ZSWIM1: variants seen among roughly 807,000 people sequenced by gnomAD.
ZSWIM1 encodes zinc finger SWIM-type containing 1, also known as zinc finger SWIM domain-containing protein 1.
ZSWIM1 carries 22 observed loss-of-function variants against 29.3 expected under a neutral mutation model. That is an observed-to-expected ratio of 0.75 (90% CI 0.54 to 1.07). The LOEUF (loss-of-function observed/expected upper bound fraction) is 1.07. Ranked by LOEUF, ZSWIM1 falls within the 50% of genes least tolerant of loss-of-function variation. The pLI, the probability that ZSWIM1 is intolerant of heterozygous loss-of-function variation, is 0.00. For synonymous variants in ZSWIM1, 228 were observed against 240.8 expected (o/e 0.95, Z 0.49); for missense variants, 511 against 596.2 (o/e 0.86, Z 1.49).
chr20:45,881,507 C>T (rs1486670136), intron 1 of ZSWIM1, among the ~76,000 whole-genome samples: 2 of 152,234 alleles, frequency 1.3e-5, no homozygotes, highest in African/African-American at 2.4e-5. Context: ...AAAGACTCAA[C>T]TTTCAGCTAC....
Position 45,884,672 on chromosome 20 carries a change from T to C in ZSWIM1, c.*622T>C, listed in dbSNP as rs1377022199. ...CCATCGCACCCGGCCTGTTTTAACA[T>C]TTTCATAAGGTAAAAACCTTTCTTA... On this transcript the variant is annotated 3_prime_UTR_variant, in exon 2 of 2. Coordinates refer to ENST00000372523, the MANE Select transcript of ZSWIM1 (RefSeq NM_080603.5). The C allele has an allele frequency of 6.0e-6, 1 of 165,742 alleles. No homozygotes were observed. Among genetic ancestry groups the C allele is most frequent in the Non-Finnish European group, 1.5e-5 (1 of 67,916 alleles). 10.3% of individuals were successfully genotyped at this position (165,742 alleles called of 1,614,324 possible).
rs1986358136 is a variant in ZSWIM1, at chr20:45,883,430, G to T, written c.838G>T (p.Ala280Ser). ...CACCCCATCTGAGAAACAAGGTATG[G>T]CTTCTCTGTTCCGTTACATGCAGCA... ...GTTPSEKQGM[A>S]SLFRYMQQNS... The change falls in exon 2 of 2, where the codon GCT (alanine) becomes TCT (serine). Residue 280 changes from alanine (A) to serine (S), a missense_variant. Transcript: ENST00000372523. 1 of 1,614,058 alleles carries T rather than the reference G, an allele frequency of 6.2e-7. No individual in the cohort carries two copies. The highest frequency in any genetic ancestry group is 8.5e-7 in the Non-Finnish European group (1 of 1,180,048).
Position 45,884,105 on chromosome 20 carries a change from TACACACACACACACACACACACAC to T in ZSWIM1, c.*70_*93del, listed in dbSNP as rs71181872. 3.3e-5 allele frequency: 36 copies of T among 1,089,646 alleles called. No homozygotes were observed. In the African/African-American group the frequency reaches 5.5e-4, roughly 17 times the overall value. 67.5% of individuals were successfully genotyped at this position (1,089,646 alleles called of 1,614,324 possible). A position where few individuals can be genotyped will look rare whatever the true frequency, so the allele number is the denominator to read the frequency against. On this transcript the variant is annotated 3_prime_UTR_variant, in exon 2 of 2. Transcript: ENST00000372523. ...ACCTGTGCACACTCACATCCACCCA[TACACACACACACACACACACACAC>T]ACACACACACACACTCCCTTACACT...
At chr20:45,881,074 C>G (rs3746496), upstream of ZSWIM1, among the ~76,000 whole-genome samples, 1 of 152,178 alleles carries the variant, frequency 6.6e-6, no homozygotes, top group Non-Finnish European at 1.5e-5. Flanking sequence ...CCTTGTAACC[C>G]TGGCAACACG....
rs1473038889 is a variant in ZSWIM1, at chr20:45,883,636, G to T, written c.1044G>T (p.Val348=). ...AACTGTGCCTGGGCGAGCTTGCTGT[G>T]GTCCAGAAATCCACACACCTCATTG... ...AAQLCLGELA[V]VQKSTHLIGS... The change falls in exon 2 of 2, where the codon GTG becomes GTT. Residue 348 remains valine (V), a synonymous_variant. Transcript: ENST00000372523. The T allele has an allele frequency of 1.2e-6, 2 of 1,614,142 alleles. No homozygotes were observed. Among genetic ancestry groups the T allele is most frequent in the Non-Finnish European group, 1.7e-6 (2 of 1,180,026 alleles).
In ZSWIM1 at chr20:45,884,356, T is replaced by TA; in HGVS notation, c.*306_*307insA. ...CTTGGTTTTGTTTTAATATTTTTTT[T>TA]CTTTTTTTTTTTTTTTTTTTTTTTG... is the stretch of plus-strand genomic sequence containing the variant. On this transcript the variant is annotated 3_prime_UTR_variant, in exon 2 of 2. Transcript: ENST00000372523. 1.4e-5 allele frequency: 2 copies of TA among 144,528 alleles called. No homozygotes were observed. Among genetic ancestry groups the TA allele is most frequent in the Non-Finnish European group, 2.9e-5 (2 of 70,136 alleles). 9.0% of individuals were successfully genotyped at this position (144,528 alleles called of 1,614,324 possible).
chr20:45,883,472 G>T lies in ZSWIM1; in HGVS notation c.880G>T (p.Ala294Ser). 6.2e-7 allele frequency: 1 copy of T among 1,614,208 alleles called. No individual in the cohort carries two copies. Among genetic ancestry groups the T allele is most frequent in the South Asian group, 1.1e-5 (1 of 91,080 alleles). Residue 294 changes from alanine (A) to serine (S), a missense_variant, in exon 2 of 2, where the codon GCA (alanine) becomes TCA (serine). Coordinates refer to ENST00000372523, the MANE Select transcript of ZSWIM1 (RefSeq NM_080603.5). Reference protein sequence around the residue: ...RYMQQNSADKANFNQGLCAQN... With the variant: ...RYMQQNSADKSNFNQGLCAQN... The stretch of plus-strand genomic sequence containing the variant: ...CATGCAGCAGAACTCTGCAGACAAG[G>T]CAAACTTCAACCAGGGCCTGTGTGC...
In ZSWIM1 at chr20:45,883,525, C is replaced by T. The variant is rs1568753699; in HGVS notation, c.933C>T (p.Thr311=). 1 of 1,614,232 alleles carries T rather than the reference C, an allele frequency of 6.2e-7. No individual in the cohort carries two copies. Among genetic ancestry groups the T allele is most frequent in the Non-Finnish European group, 8.5e-7 (1 of 1,180,046 alleles). The stretch of plus-strand genomic sequence containing the variant: ...AGAACAATCATGCTCCCTCAGACAC[C>T]ATCCCCGAAAGCCCCAAACTGGAGC... The part of the protein sequence containing the change: ...CAQNNHAPSD[T]IPESPKLEQL... Residue 311 remains threonine, a synonymous_variant, in exon 2 of 2, where the codon ACC becomes ACT. Transcript: ENST00000372523.
In ZSWIM1 at chr20:45,882,685, C is replaced by T. The variant is rs955888226; in HGVS notation, c.93C>T (p.Ala31=). 6 of 1,614,094 alleles carry T rather than the reference C, an allele frequency of 3.7e-6. No individual in the cohort carries two copies. The highest frequency in any genetic ancestry group is 5.1e-6 in the Non-Finnish European group (6 of 1,180,058). Residue 31 remains alanine (A), a synonymous_variant, in exon 2 of 2, where the codon GCC becomes GCT. Transcript: ENST00000372523. ...GIWTAPISPM[A]LTMLNGLLIK... is the part of the protein sequence containing the mutation. ...GGACAGCTCCCATCTCTCCCATGGC[C>T]CTGACAATGCTGAATGGGCTCCTGA...
chr20:45,882,720 C>T lies in ZSWIM1; in HGVS notation c.128C>T (p.Ser43Leu), dbSNP rs758198401. Reference protein sequence around the residue: ...TMLNGLLIKDSSPPMLLHQVN... With the variant: ...TMLNGLLIKDLSPPMLLHQVN... ...CTGAATGGGCTCCTGATTAAGGACTCAAGCCCACCTATGCTGCTGCACCAG... is the reference window on the plus strand; with the variant it reads ...CTGAATGGGCTCCTGATTAAGGACTTAAGCCCACCTATGCTGCTGCACCAG... Residue 43 changes from serine to leucine, a missense_variant, in exon 2 of 2, where the codon TCA becomes TTA. Transcript: ENST00000372523. The T allele has an allele frequency of 2.5e-6, 4 of 1,614,260 alleles. No homozygotes were observed. The African/African-American group carries it at 4.0e-5, about 16-fold the overall frequency.
At position 45,884,107 on chromosome 20, in the gene ZSWIM1, C is replaced by A; in HGVS notation, c.*57C>A. The A allele has an allele frequency of 6.3e-6, 1 of 158,036 alleles. No homozygotes were observed. The highest frequency in any genetic ancestry group is 8.7e-6 in the Non-Finnish European group (1 of 115,378). 9.8% of individuals were successfully genotyped at this position (158,036 alleles called of 1,614,324 possible). ...CTGTGCACACTCACATCCACCCATA[C>A]ACACACACACACACACACACACACA... is the stretch of plus-strand genomic sequence containing the variant. On this transcript the variant is annotated 3_prime_UTR_variant, in exon 2 of 2. Coordinates refer to ENST00000372523, the MANE Select transcript of ZSWIM1 (RefSeq NM_080603.5).
chr20:45,882,508 C>G (rs1986294812), intron 1 of ZSWIM1, 25 bp from the exon 2 acceptor site: 1 of 1,514,860 alleles, frequency 6.6e-7, no homozygotes. Flanking sequence ...CTGCTGTCTC[C>G]TTAAACCTCT....
At chr20:45,881,123 T>C (rs3746499), upstream of ZSWIM1, 95,094 of 152,108 alleles carry the variant, frequency 0.63, 29,903 homozygotes, top group Admixed American at 0.7. Context: ...TGGTCCGTGG[T>C]GCTAAAGCCT....
rs140608511 is a variant in ZSWIM1, at chr20:45,883,299, A to G, written c.707A>G (p.Asn236Ser). The change falls in exon 2 of 2, where the codon AAC becomes AGC. Residue 236 changes from asparagine to serine, a missense_variant. Transcript: ENST00000372523. ...LPELHSHWLL[N>S]DRIWLAHRWR... ...GAGCTTCACTCACACTGGCTGCTCA[A>G]CGACCGCATCTGGCTGGCTCACCGC... 8 of 1,613,946 alleles carry G rather than the reference A, an allele frequency of 5.0e-6. No individual in the cohort carries two copies. Among genetic ancestry groups the G allele is most frequent in the African/African-American group, 4.0e-5 (3 of 74,940 alleles).
chr20:45,884,200 C>G lies in ZSWIM1; in HGVS notation c.*150C>G. On this transcript the variant is annotated 3_prime_UTR_variant, in exon 2 of 2. Transcript: ENST00000372523. ...CCTTCCAGAACAAGGACAACAAGGACAAGGTTGAAGGGTCTTCTCATCTAC... is the reference window on the plus strand; with the variant it reads ...CCTTCCAGAACAAGGACAACAAGGAGAAGGTTGAAGGGTCTTCTCATCTAC... 1 of 1,122,194 alleles carries G rather than the reference C, an allele frequency of 8.9e-7. No individual in the cohort carries two copies. Among genetic ancestry groups the G allele is most frequent in the Non-Finnish European group, 1.3e-6 (1 of 794,916 alleles). The allele number at this position is 1,122,194 out of a possible 1,614,324, so 69.5% of individuals were successfully genotyped here. A position where few individuals can be genotyped will look rare whatever the true frequency, so the allele number is the denominator to read the frequency against.
chr20:45,881,466 G>A (rs1376847192), intron 1 of ZSWIM1, among the ~76,000 whole-genome samples: 1 of 152,196 alleles, frequency 6.6e-6, no homozygotes, highest in Non-Finnish European at 1.5e-5. Flanking sequence ...TGGACCCCAG[G>A]TACTGTGGAC....
At position 45,882,386 on chromosome 20, in the gene ZSWIM1, A is replaced by G. The variant is rs563735874; in HGVS notation, c.-60-147A>G. The G allele has an allele frequency of 4.1e-5, 24 of 590,480 alleles. No individual in the cohort carries two copies. The South Asian group carries it at 5.6e-4, about 14-fold the overall frequency. The allele number at this position is 590,480 out of a possible 1,614,324, so 36.6% of individuals were successfully genotyped here. ...CTTTGTAAGCTTCATTATTGGATAT[A>G]TATTTGCTTATTTGTTTACATGTTT... On this transcript the variant is annotated intron_variant, in intron 1 of 1. Coordinates refer to ENST00000372523, the MANE Select transcript of ZSWIM1 (RefSeq NM_080603.5).
chr20:45,882,041 G>A (rs1247693465), intron 1 of ZSWIM1, among the ~76,000 whole-genome samples: 2 of 152,116 alleles, frequency 1.3e-5, no homozygotes, highest in African/African-American at 4.8e-5. Context: ...AGTAGAGACG[G>A]GTTTTCACCA....
In ZSWIM1 at chr20:45,884,648, C is replaced by G. The variant is rs1317757514; in HGVS notation, c.*598C>G. 6.0e-6 allele frequency: 1 copy of G among 166,702 alleles called. No individual in the cohort carries two copies. The highest frequency in any genetic ancestry group is 6.6e-5 in the Admixed American group (1 of 15,260). The allele number at this position is 166,702 out of a possible 1,614,324, so 10.3% of individuals were successfully genotyped here. On this transcript the variant is annotated 3_prime_UTR_variant, in exon 2 of 2. Coordinates refer to ENST00000372523, the MANE Select transcript of ZSWIM1 (RefSeq NM_080603.5). ...AAGTGCTGGGATTACAGGCGTGAGC[C>G]ATCGCACCCGGCCTGTTTTAACATT...
Sources: gnomAD v4.1 joint callset for allele counts (sites outside exome capture counted in the v4.1 genomes callset) on GRCh38, gnomAD v4.1.1 for gene constraint, MANE v1.5 for transcripts, NCBI Gene and HGNC (gene_info 2026-07-23, HGNC 2026-07-21) for gene names.